The following DPP6 variants were observed in gnomAD, a reference collection of about 807,000 sequenced individuals.
The protein encoded by DPP6 is dipeptidyl peptidase like 6, also known as A-type potassium channel modulatory protein DPP6.
A neutral mutation model predicts 122.6 loss-of-function variants in DPP6; 69 were observed. The observed-to-expected ratio is 0.56, with a 90% confidence interval of 0.46 to 0.69. The LOEUF is 0.69. DPP6 is among the 30% of genes least tolerant of loss of function. The pLI is 0.00. For synonymous variants in DPP6, 418 were observed against 433.1 expected, an observed-to-expected ratio of 0.97 and a Z score of 0.43; for missense variants, 928 against 1,116.9, an observed-to-expected ratio of 0.83 and a Z score of 2.41.
chr7:154,607,432 G>A (rs1833625257), intron 5 of DPP6, among the ~76,000 whole-genome samples: 1 of 115,004 alleles, frequency 8.7e-6, no homozygotes, highest in Non-Finnish European at 1.9e-5. Flanking sequence ...ATGGCGGCGG[G>A]CGCCTGTAGT....
chr7:154,044,683 G>GA (rs1799932195), intron 1 of DPP6, among the ~76,000 whole-genome samples: 1 of 152,192 alleles, frequency 6.6e-6, no homozygotes, highest in Non-Finnish European at 1.5e-5. Flanking sequence ...AAGTGACGGT[G>GA]AAAAATAAAA....
chr7:154,679,124 A>AG (rs1839122549), intron 7 of DPP6, among the ~76,000 whole-genome samples: 1 of 152,160 alleles, frequency 6.6e-6, no homozygotes. Flanking sequence ...TGGTGTCCAG[A>AG]GGGCTTCATG....
At chr7:153,782,130 G>T in the DPP6 span, among the ~76,000 whole-genome samples, 1 of 151,718 alleles carries the variant, frequency 6.6e-6, no homozygotes, top group Admixed American at 6.6e-5. Flanking sequence ...TGTTTGGGAG[G>T]GTTTAACCCC....
intron 1 of DPP6, among the ~76,000 whole-genome samples, chr7:154,275,874 C>T (rs189212416): frequency 6.6e-6 from 1 of 152,294 alleles, no homozygotes; most frequent in East Asian, 1.9e-4. Context: ...CATTCTCACC[C>T]CACTCTTTCC....
At chr7:154,401,989 A>T (rs1340744299) in intron 1 of DPP6, among the ~76,000 whole-genome samples, 1 of 152,224 alleles carries the variant, frequency 6.6e-6, no homozygotes, top group East Asian at 1.9e-4. Flanking sequence ...CAAAAAACAC[A>T]TGAGAAAATG....
Position 154,060,144 on chromosome 7 carries a change from C to A in DPP6, c.243+7081C>A, listed in dbSNP as rs534735011. On this transcript the variant is annotated intron_variant, in intron 1 of 25. Transcript: ENST00000377770. ...ACTGCAAACCTCCACCTTTCCTCCCCTGGCTCTTTGCACCCCCATCGCAGG... is the reference window on the plus strand; with the variant it reads ...ACTGCAAACCTCCACCTTTCCTCCCATGGCTCTTTGCACCCCCATCGCAGG... Among the ~76,000 whole-genome samples the A allele has an allele frequency of 1.3e-3, 194 of 149,668 alleles. 4 individuals carry two copies. Among genetic ancestry groups the A allele is most frequent in the Admixed American group, 2.4e-3 (37 of 15,138 alleles).
At chr7:154,883,549 CACCTGCTCACACAT>C (rs1805671676) in intron 21 of DPP6, 1 of 73,746 alleles carries the variant, frequency 1.4e-5, no homozygotes, top group Non-Finnish European at 2.8e-5. Flanking sequence ...CATTCACACA[CACCTGCTCACACAT>C]ACACATACAT....
At chr7:154,251,554 G>A (rs993912686) in intron 1 of DPP6, among the ~76,000 whole-genome samples, 13 of 152,202 alleles carry the variant, frequency 8.5e-5, no homozygotes, top group Non-Finnish European at 1.8e-4. Flanking sequence ...TGGGCCATCT[G>A]CAAGTTGAGG....
chr7:154,541,191 G>A (rs1041941754), intron 4 of DPP6, among the ~76,000 whole-genome samples: 1 of 152,010 alleles, frequency 6.6e-6, no homozygotes, highest in African/African-American at 2.4e-5. Flanking sequence ...GCGAAGTGGT[G>A]CAATCATGGC....
At chr7:154,402,050 G>A (rs1228210138) in intron 1 of DPP6, among the ~76,000 whole-genome samples, 5 of 151,890 alleles carry the variant, frequency 3.3e-5, no homozygotes, top group African/African-American at 7.3e-5. Context: ...ACAATGAGAT[G>A]CCATCTCACA....
At chr7:154,488,254 C>T (rs1563749528) in intron 3 of DPP6, among the ~76,000 whole-genome samples, 3 of 151,982 alleles carry the variant, frequency 2.0e-5, no homozygotes, top group African/African-American at 4.8e-5. Flanking sequence ...TTTGGGAGGC[C>T]GAGGCTGGCG....
intron 1 of DPP6, among the ~76,000 whole-genome samples, chr7:154,417,982 G>C (rs1012657078): frequency 2.6e-5 from 4 of 152,184 alleles, no homozygotes; most frequent in Non-Finnish European, 4.4e-5. Flanking sequence ...TTTCACAAGA[G>C]ATCACTTTGA....
chr7:154,887,999 A>G (rs1230721913), intron 23 of DPP6, among the ~76,000 whole-genome samples: 1 of 151,598 alleles, frequency 6.6e-6, no homozygotes, highest in Non-Finnish European at 1.5e-5. Context: ...TTGATGGCGG[A>G]GTCAGTCCCA....
intron 3 of DPP6, among the ~76,000 whole-genome samples, chr7:154,521,103 A>G (rs947237853): frequency 2.0e-5 from 3 of 152,214 alleles, no homozygotes; most frequent in Non-Finnish European, 4.4e-5. Flanking sequence ...TTAGATTTAT[A>G]TAACAGCTAA....
chr7:154,839,342 T>A (rs1287983916), intron 16 of DPP6, among the ~76,000 whole-genome samples: 2 of 152,252 alleles, frequency 1.3e-5, no homozygotes, highest in Admixed American at 6.5e-5. Context: ...GGTTTACTTT[T>A]ACTTTGTGAT....
chr7:154,781,055 G>A (rs1173315719), intron 10 of DPP6, among the ~76,000 whole-genome samples: 1 of 151,970 alleles, frequency 6.6e-6, no homozygotes, highest in Admixed American at 6.6e-5. Flanking sequence ...ATGGATGGGT[G>A]GATGGATGGA....
chr7:154,260,814 T>C (rs913257131), intron 1 of DPP6, among the ~76,000 whole-genome samples: 2 of 151,282 alleles, frequency 1.3e-5, no homozygotes, highest in Non-Finnish European at 2.9e-5. Context: ...GGTATCTTTT[T>C]CATATAATTA....
intron 16 of DPP6, among the ~76,000 whole-genome samples, chr7:154,845,003 C>T (rs930178688): frequency 3.9e-5 from 6 of 152,184 alleles, no homozygotes; most frequent in Non-Finnish European, 7.3e-5. Flanking sequence ...TATGTACGAA[C>T]AGAGAGACCA....
At chr7:154,696,183 A>C (rs1223591517) in intron 7 of DPP6, among the ~76,000 whole-genome samples, 1 of 152,198 alleles carries the variant, frequency 6.6e-6, no homozygotes, top group Non-Finnish European at 1.5e-5. Flanking sequence ...AATGAGCGGA[A>C]GCTTCCGTTC....
Sources: allele counts gnomAD v4.1 joint callset (sites outside exome capture counted in the v4.1 genomes callset), GRCh38; gene constraint gnomAD v4.1.1; transcripts MANE v1.5; gene names NCBI Gene and HGNC (gene_info 2026-07-23, HGNC 2026-07-21).